Variants in DCAF15 observed in about 807,000 individuals in gnomAD.
DCAF15 encodes DDB1- and CUL4-associated factor 15.
In DCAF15, 24 loss-of-function variants were observed where a neutral mutation model predicts 68.0. The observed-to-expected ratio is 0.35, with a 90% CI of 0.26 to 0.50. DCAF15 has a LOEUF of 0.50. Ranked by LOEUF, DCAF15 falls within the 20% of genes least tolerant of loss-of-function variation. The pLI, the probability that DCAF15 is intolerant of heterozygous loss-of-function variation, is 0.98. For missense variants in DCAF15, 627 were observed against 830.6 expected (o/e 0.75, Z 3.01); for synonymous variants, 376 against 341.6 (o/e 1.10, Z -1.11).
Position 13,957,324 on chromosome 19 carries a change from G to A in DCAF15, c.784+802G>A, listed in dbSNP as rs1480533359. ...GGGAGGGGGCCCCGGGGGCCATTTGGCAACAGAATTGTGACTATGACTGAC... is the reference window on the plus strand; with the variant it reads ...GGGAGGGGGCCCCGGGGGCCATTTGACAACAGAATTGTGACTATGACTGAC... On this transcript the variant is annotated intron_variant, in intron 6 of 12. Coordinates refer to ENST00000254337, the MANE Select transcript of DCAF15 (RefSeq NM_138353.4). Among the ~76,000 whole-genome samples the A allele has an allele frequency of 6.6e-5, 10 of 152,316 alleles. No homozygotes were observed. In the East Asian group the frequency reaches 1.7e-3, roughly 26 times the overall value.
chr19:13,959,250 G>T lies in DCAF15; in HGVS notation c.990G>T (p.Arg330=). 6.2e-7 allele frequency: 1 copy of T among 1,612,386 alleles called. No homozygotes were observed. ...AKEFVADIFR[R]AKEAKGGVPE... ...AGTTTGTGGCTGACATCTTCCGCCG[G>T]GCCAAAGAGGCCAAGGGCGGGGTCC... is the stretch of plus-strand genomic sequence containing the variant. The change falls in exon 7 of 13, where the codon CGG becomes CGT. Residue 330 remains arginine (R), a synonymous_variant. Coordinates refer to ENST00000254337, the MANE Select transcript of DCAF15 (RefSeq NM_138353.4).
At position 13,960,970 on chromosome 19, in the gene DCAF15, A is replaced by G; in HGVS notation, c.1778A>G (p.Glu593Gly). Reference sequence around the variant, plus strand: ...TCCCTGAAGGTTCTGGCGGACAGCGAGCGATATACGTGGATCGTGCTGTGA... The same window carrying G: ...TCCCTGAAGGTTCTGGCGGACAGCGGGCGATATACGTGGATCGTGCTGTGA... The part of the protein sequence containing the change: ...GCSLKVLADS[E>G]RYTWIVL Residue 593 changes from glutamate (E) to glycine (G), a missense_variant, in exon 13 of 13, where the codon GAG becomes GGG. Around this residue, in one of 3 missense-constraint regions of DCAF15, gnomAD observed 118 missense variants for 211.8 expected, o/e 0.56. Coordinates refer to ENST00000254337, the MANE Select transcript of DCAF15 (RefSeq NM_138353.4). 6.2e-7 allele frequency: 1 copy of G among 1,613,944 alleles called. No individual in the cohort carries two copies. The highest frequency in any genetic ancestry group is 1.1e-5 in the South Asian group (1 of 91,080).
intron 1 of DCAF15, chr19:13,953,066 T>C: frequency 6.5e-7 from 1 of 1,548,172 alleles, no homozygotes; most frequent in East Asian, 2.5e-5. Context: ...CTCCGCCTGA[T>C]GTTCCTCTCC....
rs1011166300 is a variant in DCAF15 at position 13,961,030 on chromosome 19, C to T, written c.*35C>T. The T allele has an allele frequency of 5.0e-6, 8 of 1,612,456 alleles. No homozygotes were observed. Among genetic ancestry groups the T allele is most frequent in the African/African-American group, 2.7e-5 (2 of 74,938 alleles). ...CGCCCCGGACACTGACTCCAACTACCTCCGTGGCCTGGGACCGGCCCCCTT... is the reference window on the plus strand; with the variant it reads ...CGCCCCGGACACTGACTCCAACTACTTCCGTGGCCTGGGACCGGCCCCCTT... On this transcript the variant is annotated 3_prime_UTR_variant, in exon 13 of 13. Transcript: ENST00000254337.
chr19:13,953,083 A>G, intron 1 of DCAF15: 5 of 1,550,676 alleles, frequency 3.2e-6, no homozygotes, highest in African/African-American at 1.4e-5. Context: ...CTCCCTGCCC[A>G]AGCCCCGACC....
At chr19:13,958,942 C>G in intron 6 of DCAF15, 103 bp from the exon 7 acceptor site, 2 of 1,410,170 alleles carry the variant, frequency 1.4e-6, no homozygotes, top group Non-Finnish European at 1.9e-6. Flanking sequence ...GCCAAGTCTC[C>G]TAGAAGTGTC....
At chr19:13,957,736 C>T (rs928794125) in intron 6 of DCAF15, among the ~76,000 whole-genome samples, 64 of 152,196 alleles carry the variant, frequency 4.2e-4, no homozygotes, top group African/African-American at 1.5e-3. Context: ...CGGTGAAACC[C>T]CATCTCTAGT....
rs763691007 is a variant in DCAF15, at chr19:13,959,656, G to A, written c.1294G>A (p.Glu432Lys). 11 of 1,613,354 alleles carry A rather than the reference G, an allele frequency of 6.8e-6. No homozygotes were observed. ...TGGCCGCAACCTGCGGCCCATGCGG[G>A]AGCGGACTGCTGTCCAGGTGGGTGT... ...LRGRNLRPMR[E>K]RTAVQGQYLT... The change falls in exon 8 of 13, where the codon GAG becomes AAG. Residue 432 changes from glutamate to lysine, a missense_variant. Glu to Lys is a moderately conservative substitution (Grantham distance 56, BLOSUM62 1). This residue lies in a region of DCAF15 where 236 missense variants were observed against 225.1 expected (regional missense o/e 1.05). Transcript: ENST00000254337.
Position 13,955,106 on chromosome 19 carries a change from TAAAAC to T in DCAF15, c.366+469_366+473del, listed in dbSNP as rs565524117. On this transcript the variant is annotated intron_variant, in intron 3 of 12. Transcript: ENST00000254337. ...GGGCAACAGAGTGAGACCCTGTCTC[TAAAAC>T]AAAACAAAACAAAACAAAACAAATG... Among the ~76,000 whole-genome samples the T allele has an allele frequency of 1.3e-4, 19 of 150,338 alleles. 1 individual carries two copies. Among genetic ancestry groups the T allele is most frequent in the South Asian group, 1.3e-3 (6 of 4,766 alleles).
chr19:13,961,272 G>A lies in DCAF15; in HGVS notation c.*277G>A. On this transcript the variant is annotated 3_prime_UTR_variant, in exon 13 of 13. Coordinates refer to ENST00000254337, the MANE Select transcript of DCAF15 (RefSeq NM_138353.4). Reference sequence around the variant, plus strand: ...TTCACCCCGAGCTGGGCATGGGCCTGGCCCCTCGTGCATTTGCCCTTTTCT... The same window carrying A: ...TTCACCCCGAGCTGGGCATGGGCCTAGCCCCTCGTGCATTTGCCCTTTTCT... 1 of 542,322 alleles carries A rather than the reference G, an allele frequency of 1.8e-6. No homozygotes were observed. Among genetic ancestry groups the A allele is most frequent in the Admixed American group, 3.1e-5 (1 of 32,060 alleles). The allele number at this position is 542,322 out of a possible 1,614,324, so 33.6% of individuals were successfully genotyped here.
intron 3 of DCAF15, among the ~76,000 whole-genome samples, chr19:13,955,465 C>G (rs1403486063): frequency 2.0e-5 from 3 of 152,134 alleles, no homozygotes; most frequent in African/African-American, 7.2e-5. Context: ...GGGTAAATAG[C>G]AGCAATTCCA....
At chr19:13,954,715 C>T in intron 3 of DCAF15, 54 bp downstream of exon 3, 1 of 1,598,012 alleles carries the variant, frequency 6.3e-7, no homozygotes, top group East Asian at 2.2e-5. Flanking sequence ...TTCAGCAGGT[C>T]ACAGCAACCT....
intron 3 of DCAF15, 79 bp downstream of exon 3, chr19:13,954,740 C>T (rs1973276441): frequency 4.0e-6 from 6 of 1,497,552 alleles, no homozygotes; most frequent in South Asian, 2.3e-5. Context: ...GCCTCAGGTT[C>T]CTTGGGTGTA....
At position 13,952,641 on chromosome 19, in the gene DCAF15, C is replaced by A. The variant is rs938758982; in HGVS notation, c.129C>A (p.Val43=). The change falls in exon 1 of 13, where the codon GTC becomes GTA. Residue 43 remains valine, a synonymous_variant. Coordinates refer to ENST00000254337, the MANE Select transcript of DCAF15 (RefSeq NM_138353.4). ...REHVLKQLER[V]KISGQLSPRL... ...ACGTCCTCAAGCAGCTGGAGCGGGT[C>A]AAGGTGAGGCCTGGAGCCGGAGTGG... The A allele has an allele frequency of 7.8e-7, 1 of 1,275,438 alleles. No individual in the cohort carries two copies. The highest frequency in any genetic ancestry group is 2.9e-5 in the South Asian group (1 of 34,732). 79.0% of individuals were successfully genotyped at this position (1,275,438 alleles called of 1,614,324 possible). A position where few individuals can be genotyped will look rare whatever the true frequency, so the allele number is the denominator to read the frequency against.
Position 13,959,434 on chromosome 19 carries a change from C to G in DCAF15, c.1174C>G (p.Leu392Val). The change falls in exon 7 of 13, where the codon CTG becomes GTG. Residue 392 changes from leucine (L) to valine (V), a missense_variant. By Grantham distance (32) the Leu-to-Val change is conservative. Around this residue, in one of 3 missense-constraint regions of DCAF15, gnomAD observed 236 missense variants for 225.1 expected, o/e 1.05. Transcript: ENST00000254337. ...SEPGYVNYTK[L>V]YYVLESGEGT... Reference sequence around the variant, plus strand: ...GCCTGGCTATGTCAACTACACCAAGCTGTACTATGTGCTGGAGTCCGGAGA... The same window carrying G: ...GCCTGGCTATGTCAACTACACCAAGGTGTACTATGTGCTGGAGTCCGGAGA... 6.2e-7 allele frequency: 1 copy of G among 1,610,196 alleles called. No homozygotes were observed. Among genetic ancestry groups the G allele is most frequent in the Non-Finnish European group, 8.5e-7 (1 of 1,179,830 alleles).
At position 13,960,549 on chromosome 19, in the gene DCAF15, C is replaced by G; in HGVS notation, c.1716C>G (p.Val572=). 6.3e-7 allele frequency: 1 copy of G among 1,599,202 alleles called. No homozygotes were observed. Among genetic ancestry groups the G allele is most frequent in the African/African-American group, 1.3e-5 (1 of 74,936 alleles). The change falls in exon 12 of 13, where the codon GTC becomes GTG. Residue 572 remains valine, a synonymous_variant. Transcript: ENST00000254337. ...WLVPESSGRY[V]NRMTNEALHK... is the part of the protein sequence containing the mutation. ...TGCCGGAGAGCAGCGGCCGCTACGT[C>G]AACAGGATGACCAATGAGGCGCTGC...
rs372994640 is a variant in DCAF15, at chr19:13,955,983, C to G, written c.438C>G (p.Pro146=). ...SDLYLTVCEW[P]SDASKVIVFG... ...TGTACCTGACCGTATGCGAGTGGCC[C>G]AGCGACGCCTCCAAGGTCATCGTCT... Residue 146 remains proline (P), a synonymous_variant, in exon 4 of 13, where the codon CCC becomes CCG. Coordinates refer to ENST00000254337, the MANE Select transcript of DCAF15 (RefSeq NM_138353.4). 6 of 1,613,788 alleles carry G rather than the reference C, an allele frequency of 3.7e-6. No individual in the cohort carries two copies. The highest frequency in any genetic ancestry group is 5.1e-6 in the Non-Finnish European group (6 of 1,180,014).
At chr19:13,958,916 A>G in intron 6 of DCAF15, 129 bp from the exon 7 acceptor site, 5 of 1,190,158 alleles carry the variant, frequency 4.2e-6, no homozygotes, top group South Asian at 1.5e-5. Context: ...GGGTGTTTCA[A>G]ACTGATCTCA....
rs558449331 is a variant in DCAF15, at chr19:13,961,126, G to C, written c.*131G>C. On this transcript the variant is annotated 3_prime_UTR_variant, in exon 13 of 13. Transcript: ENST00000254337. Reference sequence around the variant, plus strand: ...CGGCACTAGTGTTAGCCTGCGGAACGGGGCTGGGCAGGGCAGCCTCTGTTG... The same window carrying C: ...CGGCACTAGTGTTAGCCTGCGGAACCGGGCTGGGCAGGGCAGCCTCTGTTG... 5 of 1,137,766 alleles carry C rather than the reference G, an allele frequency of 4.4e-6. No individual in the cohort carries two copies. Among genetic ancestry groups the C allele is most frequent in the Non-Finnish European group, 5.1e-6 (4 of 783,364 alleles). 70.5% of individuals were successfully genotyped at this position (1,137,766 alleles called of 1,614,324 possible).
Sources: allele counts gnomAD v4.1 joint callset (sites outside exome capture counted in the v4.1 genomes callset), GRCh38; gene constraint gnomAD v4.1.1; regional missense constraint gnomAD v4.1.1; transcripts MANE v1.5; gene names NCBI Gene and HGNC (gene_info 2026-07-23, HGNC 2026-07-21).